Variants in HEMK2 observed in about 807,000 individuals in gnomAD.
HEMK2 encodes HemK methyltransferase 2, ETF1 glutamine and histone H4 lysine, also known as methyltransferase HEMK2.
At chr21:28,622,958 G>A in the HEMK2 span, among the ~76,000 whole-genome samples, 2 of 152,004 alleles carry the variant, frequency 1.3e-5, no homozygotes, top group Admixed American at 6.6e-5. Context: ...AAAAAGCAAC[G>A]GCAACAAAAG....
the HEMK2 span, among the ~76,000 whole-genome samples, chr21:28,639,303 C>T: frequency 6.6e-6 from 1 of 152,132 alleles, no homozygotes; most frequent in African/African-American, 2.4e-5. Flanking sequence ...TAACAACATA[C>T]CAATGGCCAA....
At chr21:28,580,684 C>T in the HEMK2 span, among the ~76,000 whole-genome samples, 1 of 152,128 alleles carries the variant, frequency 6.6e-6, no homozygotes, top group Non-Finnish European at 1.5e-5. Flanking sequence ...ATTCACTACA[C>T]ACTCAGCCTC....
chr21:28,677,239 CAGA>C, the HEMK2 span, among the ~76,000 whole-genome samples: 1 of 152,242 alleles, frequency 6.6e-6, no homozygotes, highest in Non-Finnish European at 1.5e-5. Context: ...AACGGCACAA[CAGA>C]AGATTATATC....
chr21:28,715,102 A>G, the HEMK2 span, among the ~76,000 whole-genome samples: 6 of 152,322 alleles, frequency 3.9e-5, no homozygotes, highest in Middle Eastern at 3.4e-3. Context: ...TGATAAACAT[A>G]TAAGTGCATG....
chr21:28,732,616 G>A, the HEMK2 span, among the ~76,000 whole-genome samples: 1 of 152,204 alleles, frequency 6.6e-6, no homozygotes, highest in African/African-American at 2.4e-5. Flanking sequence ...CAGGAGGAGT[G>A]GATGTAAGCA....
At chr21:28,608,436 G>A in the HEMK2 span, among the ~76,000 whole-genome samples, 7 of 151,516 alleles carry the variant, frequency 4.6e-5, no homozygotes, top group Non-Finnish European at 1.0e-4. Flanking sequence ...TGGCTGATAG[G>A]AGGTAGGACT....
chr21:28,785,649 T>C, the HEMK2 span, among the ~76,000 whole-genome samples: 1 of 152,220 alleles, frequency 6.6e-6, no homozygotes, highest in African/African-American at 2.4e-5. Context: ...GTCATCACTA[T>C]GTGAATATGC....
chr21:28,650,372 G>A, the HEMK2 span, among the ~76,000 whole-genome samples: 2 of 151,914 alleles, frequency 1.3e-5, no homozygotes, highest in Non-Finnish European at 2.9e-5. Context: ...TCCAGCCTGG[G>A]CGACAGGGTA....
chr21:28,839,451 T>A, the HEMK2 span, among the ~76,000 whole-genome samples: 3 of 152,134 alleles, frequency 2.0e-5, no homozygotes, highest in Non-Finnish European at 4.4e-5. Context: ...GCTAACAATA[T>A]GATTGATTAC....
the HEMK2 span, among the ~76,000 whole-genome samples, chr21:28,826,948 A>T: frequency 4.6e-5 from 7 of 152,170 alleles, no homozygotes; most frequent in Non-Finnish European, 7.3e-5. Context: ...GCTGAAACAG[A>T]GGGATCCGAC....
At chr21:28,880,600 G>A in the HEMK2 span, among the ~76,000 whole-genome samples, 1 of 151,898 alleles carries the variant, frequency 6.6e-6, no homozygotes, top group African/African-American at 2.4e-5. Flanking sequence ...AAAACTAGTC[G>A]GGCACAGTGG....
chr21:28,619,168 C>T, the HEMK2 span, among the ~76,000 whole-genome samples: 1 of 152,120 alleles, frequency 6.6e-6, no homozygotes, highest in African/African-American at 2.4e-5. Context: ...TCGCAGCCCT[C>T]AGAAGGAAAC....
At chr21:28,683,604 T>G in the HEMK2 span, among the ~76,000 whole-genome samples, 1 of 152,202 alleles carries the variant, frequency 6.6e-6, no homozygotes, top group African/African-American at 2.4e-5. Context: ...TAGTCAACAT[T>G]GTGATGATGC....
the HEMK2 span, among the ~76,000 whole-genome samples, chr21:28,604,945 C>T: frequency 0.018 from 2,718 of 152,228 alleles, 104 homozygotes; most frequent in African/African-American, 0.063. Context: ...TGTACAGGTC[C>T]GTGCATGTAA....
the HEMK2 span, among the ~76,000 whole-genome samples, chr21:28,742,794 G>C: frequency 6.6e-6 from 1 of 152,026 alleles, no homozygotes; most frequent in African/African-American, 2.4e-5. Flanking sequence ...CCAAACACCA[G>C]AATTTGAAGA....
At chr21:28,850,017 C>T in the HEMK2 span, among the ~76,000 whole-genome samples, 1 of 152,198 alleles carries the variant, frequency 6.6e-6, no homozygotes, top group Non-Finnish European at 1.5e-5. Context: ...CACAGAACCC[C>T]TGTGAGATAC....
chr21:28,667,297 T>C, the HEMK2 span, among the ~76,000 whole-genome samples: 2 of 152,122 alleles, frequency 1.3e-5, no homozygotes, highest in Non-Finnish European at 2.9e-5. Context: ...AAAAAGTATA[T>C]AATCCACCAT....
chr21:28,830,432 G>A, the HEMK2 span, among the ~76,000 whole-genome samples: 2 of 152,100 alleles, frequency 1.3e-5, no homozygotes, highest in Non-Finnish European at 2.9e-5. Flanking sequence ...TAAGTTTCCT[G>A]AGACCTTCCA....
At chr21:28,864,439 T>C in the HEMK2 span, among the ~76,000 whole-genome samples, 7 of 152,212 alleles carry the variant, frequency 4.6e-5, no homozygotes, top group East Asian at 5.8e-4. Flanking sequence ...CAAAAGAGCA[T>C]TGCACCAGCT....
Sources: allele counts gnomAD v4.1 joint callset (sites outside exome capture counted in the v4.1 genomes callset), GRCh38; gene constraint gnomAD v4.1.1; transcripts MANE v1.5; gene names NCBI Gene and HGNC (gene_info 2026-07-23, HGNC 2026-07-21).